The following FIGN variants were observed in gnomAD, a reference collection of about 807,000 sequenced individuals.
The protein encoded by FIGN is fidgetin.
FIGN carries 11 observed loss-of-function variants against 51.3 expected under a neutral mutation model. That is an observed-to-expected ratio of 0.21 (90% CI 0.13 to 0.35). FIGN has a LOEUF of 0.35. Among genes scored for constraint, FIGN ranks in the 10% least tolerant of loss-of-function variants. The probability of loss-of-function intolerance (pLI) is 1.00; values close to 1 mark genes in which losing one functional copy is unlikely to be tolerated. For missense variants in FIGN, 857 were observed against 943.6 expected (o/e 0.91, Z 1.20); for synonymous variants, 407 against 363.2 (o/e 1.12, Z -1.37).
chr2:163,676,304 G>T (rs1683962588), intron 2 of FIGN, among the ~76,000 whole-genome samples: 1 of 151,004 alleles, frequency 6.6e-6, no homozygotes, highest in Non-Finnish European at 1.5e-5. Context: ...AAAAATTAGA[G>T]TTCTTCTATA....
rs1029840187 is a variant in FIGN at position 163,604,633 on chromosome 2, T to C, written c.*4919A>G. 6.6e-6 allele frequency: 1 copy of C among 151,994 alleles called. No homozygotes were observed. The highest frequency in any genetic ancestry group is 6.6e-5 in the Admixed American group (1 of 15,220). The allele number at this position is 151,994 out of a possible 1,614,324, so 9.4% of individuals were successfully genotyped here. On this transcript the variant is annotated 3_prime_UTR_variant, in exon 3 of 3. Transcript: ENST00000333129. ...AAAGACAACAAATAAATACTACATG[T>C]ACAATATGTAGCAATGAGGTAGAAA... is the stretch of plus-strand genomic sequence containing the variant.
At chr2:163,720,324 C>T (rs1250031386) in intron 2 of FIGN, among the ~76,000 whole-genome samples, 1 of 152,086 alleles carries the variant, frequency 6.6e-6, no homozygotes, top group African/African-American at 2.4e-5. Context: ...CTAAACTAAA[C>T]CCTGGACAAA....
intron 2 of FIGN, chr2:163,617,084 C>T: frequency 1.0e-6 from 1 of 984,804 alleles, no homozygotes; most frequent in Non-Finnish European, 1.2e-6. Context: ...AAGAGGCCAA[C>T]ACAGCATTAT....
intron 2 of FIGN, among the ~76,000 whole-genome samples, chr2:163,642,192 T>C (rs1372090563): frequency 6.6e-6 from 1 of 152,218 alleles, no homozygotes; most frequent in African/African-American, 2.4e-5. Context: ...TTTCTGAAAG[T>C]ACATTTACTC....
At chr2:163,653,597 T>C (rs934466966) in intron 2 of FIGN, among the ~76,000 whole-genome samples, 1 of 152,116 alleles carries the variant, frequency 6.6e-6, no homozygotes, top group Admixed American at 6.6e-5. Flanking sequence ...TATTGATTAC[T>C]TTAAGGCATT....
intron 2 of FIGN, among the ~76,000 whole-genome samples, chr2:163,697,174 C>T (rs1176993649): frequency 7.1e-6 from 1 of 139,864 alleles, no homozygotes; most frequent in Non-Finnish European, 1.5e-5. Context: ...GATTTTGACT[C>T]ACTGCAACTT....
At chr2:163,666,360 C>G (rs565407471) in intron 2 of FIGN, among the ~76,000 whole-genome samples, 1 of 152,252 alleles carries the variant, frequency 6.6e-6, no homozygotes, top group Non-Finnish European at 1.5e-5. Context: ...GGCAAATCAA[C>G]AAAGCAGAAG....
In FIGN at chr2:163,605,361, A is replaced by G. The variant is rs958713733; in HGVS notation, c.*4191T>C. Reference sequence around the variant, plus strand: ...TAGTCACAAGTACAGCTGGTTGTGAATTCTGAAATACTAATAGCTCCAGGT... The same window carrying G: ...TAGTCACAAGTACAGCTGGTTGTGAGTTCTGAAATACTAATAGCTCCAGGT... On this transcript the variant is annotated 3_prime_UTR_variant, in exon 3 of 3. Transcript: ENST00000333129. 3.9e-5 allele frequency: 6 copies of G among 152,106 alleles called. No individual in the cohort carries two copies. The highest frequency in any genetic ancestry group is 5.9e-5 in the Non-Finnish European group (4 of 68,006). 9.4% of individuals were successfully genotyped at this position (152,106 alleles called of 1,614,324 possible).
intron 2 of FIGN, among the ~76,000 whole-genome samples, chr2:163,635,896 A>G (rs1489483897): frequency 6.6e-6 from 1 of 152,200 alleles, no homozygotes; most frequent in Non-Finnish European, 1.5e-5. Flanking sequence ...GAGGGAACTG[A>G]TCTTTAACAT....
At chr2:163,724,992 T>C (rs1684817863) in intron 2 of FIGN, among the ~76,000 whole-genome samples, 1 of 152,172 alleles carries the variant, frequency 6.6e-6, no homozygotes, top group African/African-American at 2.4e-5. Flanking sequence ...TATCATTCTG[T>C]GTAACAACCA....
intron 2 of FIGN, among the ~76,000 whole-genome samples, chr2:163,640,861 C>T (rs1174691855): frequency 6.6e-6 from 1 of 152,122 alleles, no homozygotes; most frequent in Non-Finnish European, 1.5e-5. Context: ...GAATCCTGGC[C>T]CTTTGAACCT....
rs10671765 is a variant in FIGN, at chr2:163,604,802, CAG to C, written c.*4748_*4749del. 403 of 140,590 alleles carry C rather than the reference CAG, an allele frequency of 2.9e-3. No individual in the cohort carries two copies. Among genetic ancestry groups the C allele is most frequent in the Admixed American group, 2.9e-3 (41 of 13,984 alleles). 8.7% of individuals were successfully genotyped at this position (140,590 alleles called of 1,614,324 possible). ...TACAAGAGAGAGCGAGAGTTAGAGACAGAGAGAGAGAGAGAGAGAGAGAAGAG... is the reference window on the plus strand; with the variant it reads ...TACAAGAGAGAGCGAGAGTTAGAGACAGAGAGAGAGAGAGAGAGAGAAGAG... On this transcript the variant is annotated 3_prime_UTR_variant, in exon 3 of 3. Transcript: ENST00000333129.
chr2:163,619,709 T>C (rs1038270788), intron 2 of FIGN, among the ~76,000 whole-genome samples: 4 of 152,162 alleles, frequency 2.6e-5, no homozygotes, highest in Non-Finnish European at 5.9e-5. Context: ...ATATCATTTT[T>C]AGACCACTGA....
intron 2 of FIGN, among the ~76,000 whole-genome samples, chr2:163,717,482 T>C (rs1487771904): frequency 6.6e-6 from 1 of 152,084 alleles, no homozygotes; most frequent in South Asian, 2.1e-4. Flanking sequence ...CATAGTATTT[T>C]GGGGTGATGG....
intron 2 of FIGN, among the ~76,000 whole-genome samples, chr2:163,619,190 T>C (rs918768316): frequency 7.2e-5 from 11 of 152,194 alleles, no homozygotes; most frequent in Non-Finnish European, 1.6e-4. Flanking sequence ...CAAAGCTTAA[T>C]TTAACAGTGA....
chr2:163,685,007 G>A (rs1022186352), intron 2 of FIGN, among the ~76,000 whole-genome samples: 5 of 148,604 alleles, frequency 3.4e-5, no homozygotes, highest in African/African-American at 1.2e-4. Flanking sequence ...GGCTGGTCTC[G>A]AGCTACTGAC....
At chr2:163,629,684 T>C (rs562946955) in intron 2 of FIGN, among the ~76,000 whole-genome samples, 1 of 152,240 alleles carries the variant, frequency 6.6e-6, no homozygotes, top group South Asian at 2.1e-4. Flanking sequence ...GGTTGCTTTC[T>C]AGCTACAAGT....
intron 2 of FIGN, among the ~76,000 whole-genome samples, chr2:163,664,186 T>C (rs1263026206): frequency 1.3e-5 from 2 of 152,148 alleles, no homozygotes; most frequent in Admixed American, 1.3e-4. Flanking sequence ...CAGGAGTCTG[T>C]ATTAAGTAGA....
At chr2:163,660,595 G>A (rs1339498244) in intron 2 of FIGN, among the ~76,000 whole-genome samples, 2 of 148,762 alleles carry the variant, frequency 1.3e-5, no homozygotes, top group African/African-American at 4.9e-5. Flanking sequence ...CACCTCTGGT[G>A]GACTATTCAG....
Sources: allele counts gnomAD v4.1 joint callset (sites outside exome capture counted in the v4.1 genomes callset), GRCh38; gene constraint gnomAD v4.1.1; transcripts MANE v1.5; gene names NCBI Gene and HGNC (gene_info 2026-07-23, HGNC 2026-07-21).